RPS6KC1: variants seen among roughly 807,000 people sequenced by gnomAD.
RPS6KC1 encodes inactive ribosomal protein S6 kinase delta-1.
Under a neutral mutation model 103.8 loss-of-function variants are expected in RPS6KC1, and 54 were observed. The observed-to-expected ratio is 0.52, with a 90% CI of 0.42 to 0.65. The LOEUF (loss-of-function observed/expected upper bound fraction) is 0.65, where lower values mean the gene tolerates loss of function less well. Ranked by LOEUF, RPS6KC1 falls within the 30% of genes least tolerant of loss-of-function variation. RPS6KC1 has a pLI of 0.00. For missense variants in RPS6KC1, 1,151 were observed against 1,253.8 expected, an observed-to-expected ratio of 0.92 and a Z score of 1.24; for synonymous variants, 439 against 438.7, an observed-to-expected ratio of 1.00 and a Z score of -0.01.
chr1:213,467,150 G>A, the RPS6KC1 span, among the ~76,000 whole-genome samples: 132 of 152,282 alleles, frequency 8.7e-4, no homozygotes, highest in Admixed American at 7.0e-3. Context: ...TGACAAAGGG[G>A]TAAAGAAGGA....
At chr1:213,190,539 A>G (rs139516584) in intron 8 of RPS6KC1, among the ~76,000 whole-genome samples, 231 of 152,240 alleles carry the variant, frequency 1.5e-3, no homozygotes, top group African/African-American at 5.2e-3. Context: ...CTCCTTATAT[A>G]TTCTGGTTAT....
chr1:213,224,320 AT>A (rs1219148850), intron 8 of RPS6KC1, among the ~76,000 whole-genome samples: 3 of 152,206 alleles, frequency 2.0e-5, no homozygotes, highest in Non-Finnish European at 4.4e-5. Context: ...AACTTGTGGA[AT>A]TGAAGAACAG....
chr1:213,850,795 G>GC, the RPS6KC1 span, among the ~76,000 whole-genome samples: 8 of 94,360 alleles, frequency 8.5e-5, no homozygotes, highest in African/African-American at 3.7e-4. Flanking sequence ...AGCTTACTTG[G>GC]CTTTTTTTTT....
At chr1:213,322,229 C>T in the RPS6KC1 span, among the ~76,000 whole-genome samples, 1 of 152,134 alleles carries the variant, frequency 6.6e-6, no homozygotes, top group Non-Finnish European at 1.5e-5. Context: ...TTGCTTGAAC[C>T]TGGGAGGCGG....
At chr1:213,222,308 G>A (rs1218745292) in intron 8 of RPS6KC1, among the ~76,000 whole-genome samples, 1 of 152,158 alleles carries the variant, frequency 6.6e-6, no homozygotes, top group Non-Finnish European at 1.5e-5. Context: ...AATTGAAAAT[G>A]TATCCTTGAG....
chr1:213,580,762 AT>A, the RPS6KC1 span, among the ~76,000 whole-genome samples: 5 of 150,656 alleles, frequency 3.3e-5, no homozygotes, highest in South Asian at 2.1e-4. Flanking sequence ...GATTGTTAGC[AT>A]TTTTTTTTGC....
the RPS6KC1 span, among the ~76,000 whole-genome samples, chr1:213,487,978 A>G: frequency 6.6e-6 from 1 of 151,874 alleles, no homozygotes. Context: ...CATTCCTTTG[A>G]TTACATTCTA....
chr1:213,748,857 T>C, the RPS6KC1 span, among the ~76,000 whole-genome samples: 1 of 152,354 alleles, frequency 6.6e-6, no homozygotes, highest in South Asian at 2.1e-4. Flanking sequence ...ACATGTTTAC[T>C]GACAACATGC....
chr1:213,737,038 G>C, the RPS6KC1 span, among the ~76,000 whole-genome samples: 4 of 152,202 alleles, frequency 2.6e-5, no homozygotes, highest in Non-Finnish European at 5.9e-5. Context: ...GAGCAAACCA[G>C]CTCCCGGCTT....
At chr1:213,711,024 G>T in the RPS6KC1 span, among the ~76,000 whole-genome samples, 1 of 152,130 alleles carries the variant, frequency 6.6e-6, no homozygotes, top group East Asian at 1.9e-4. Flanking sequence ...GAGTATCTTT[G>T]TGGTGTTCTC....
At chr1:213,254,624 A>G (rs2094602923) in intron 12 of RPS6KC1, among the ~76,000 whole-genome samples, 1 of 152,194 alleles carries the variant, frequency 6.6e-6, no homozygotes, top group South Asian at 2.1e-4. Context: ...GGCTGTTCTC[A>G]TTTTCAGAGA....
the RPS6KC1 span, among the ~76,000 whole-genome samples, chr1:213,823,533 T>C: frequency 4.6e-5 from 7 of 152,174 alleles, no homozygotes; most frequent in African/African-American, 1.2e-4. Context: ...GATGTGGGAT[T>C]AGGATTGTAC....
At chr1:213,800,966 G>A in the RPS6KC1 span, among the ~76,000 whole-genome samples, 2 of 152,190 alleles carry the variant, frequency 1.3e-5, no homozygotes, top group African/African-American at 4.8e-5. Flanking sequence ...TCTGAGAAGA[G>A]AAGGCAAGTT....
the RPS6KC1 span, among the ~76,000 whole-genome samples, chr1:213,789,761 A>T: frequency 6.6e-6 from 1 of 152,192 alleles, no homozygotes; most frequent in Non-Finnish European, 1.5e-5. Context: ...GACAAGAAAA[A>T]TGAGAAAAAG....
chr1:213,343,411 A>G, the RPS6KC1 span, among the ~76,000 whole-genome samples: 40 of 26,556 alleles, frequency 1.5e-3, 2 homozygotes, highest in African/African-American at 2.8e-3. Context: ...ATATATATAT[A>G]TATATATATA....
At chr1:213,347,644 C>T in the RPS6KC1 span, among the ~76,000 whole-genome samples, 3 of 152,190 alleles carry the variant, frequency 2.0e-5, no homozygotes, top group African/African-American at 7.2e-5. Context: ...TTCAAGATTA[C>T]AGTGAGCTAT....
chr1:213,175,309 T>C lies in RPS6KC1; in HGVS notation c.952-1091T>C, dbSNP rs1387964521. Reference sequence around the variant, plus strand: ...CTGCCTGTCTGGTGATGTTGGTCTGTACAGGAACTTCAAGTATCAAAAATG... The same window carrying C: ...CTGCCTGTCTGGTGATGTTGGTCTGCACAGGAACTTCAAGTATCAAAAATG... On this transcript the variant is annotated intron_variant, in intron 7 of 14. Coordinates refer to ENST00000366960, the MANE Select transcript of RPS6KC1 (RefSeq NM_012424.6). Among the ~76,000 whole-genome samples, 3 of 152,258 alleles carry C rather than the reference T, an allele frequency of 2.0e-5. No individual in the cohort carries two copies. In the East Asian group the frequency reaches 5.8e-4, roughly 29 times the overall value.
Position 213,111,720 on chromosome 1 carries a change from C to T in RPS6KC1, c.379-5597C>T, listed in dbSNP as rs1030388658. Reference sequence around the variant, plus strand: ...CTTAGTTAGAAGACATTTTATAGGTCGGTAACTTAAATCGCACACCTAGTG... The same window carrying T: ...CTTAGTTAGAAGACATTTTATAGGTTGGTAACTTAAATCGCACACCTAGTG... On this transcript the variant is annotated intron_variant, in intron 4 of 14. Coordinates refer to ENST00000366960, the MANE Select transcript of RPS6KC1 (RefSeq NM_012424.6). Among the ~76,000 whole-genome samples the T allele has an allele frequency of 7.9e-5, 12 of 152,002 alleles. No individual in the cohort carries two copies. The East Asian group carries it at 1.2e-3, about 15-fold the overall frequency.
At chr1:213,532,493 G>T in the RPS6KC1 span, among the ~76,000 whole-genome samples, 1 of 152,184 alleles carries the variant, frequency 6.6e-6, no homozygotes, top group Non-Finnish European at 1.5e-5. Context: ...GAACAACACT[G>T]AAGATAGTAG....
Sources: gnomAD v4.1 joint callset for allele counts (sites outside exome capture counted in the v4.1 genomes callset) on GRCh38, gnomAD v4.1.1 for gene constraint, MANE v1.5 for transcripts, NCBI Gene and HGNC (gene_info 2026-07-23, HGNC 2026-07-21) for gene names.